Variants in SAMSN1 observed in about 807,000 individuals in gnomAD.
The protein encoded by SAMSN1 is SAM domain, SH3 domain and nuclear localization signals 1.
Under a neutral mutation model 42.0 loss-of-function variants are expected in SAMSN1, and 31 were observed. The ratio of observed to expected loss-of-function variants is 0.74; its 90% CI spans 0.55 to 1.00. SAMSN1 has a LOEUF of 1.00. Ranked by LOEUF, SAMSN1 falls within the 50% of genes least tolerant of loss-of-function variation. SAMSN1 has a pLI of 0.00. For missense variants in SAMSN1, 464 were observed against 439.4 expected, an observed-to-expected ratio of 1.06 and a Z score of -0.50; for synonymous variants, 178 against 151.9, an observed-to-expected ratio of 1.17 and a Z score of -1.26.
chr21:14,534,493 C>T (rs1388231896), intron 1 of SAMSN1, among the ~76,000 whole-genome samples: 1 of 150,324 alleles, frequency 6.7e-6, no homozygotes, highest in East Asian at 2.0e-4. Flanking sequence ...ACAAGCACAA[C>T]GAAAATAGAA....
upstream of SAMSN1, among the ~76,000 whole-genome samples, chr21:14,551,295 A>C (rs1303123888): frequency 6.6e-6 from 1 of 152,090 alleles, no homozygotes; most frequent in African/African-American, 2.4e-5. Flanking sequence ...GATCATTGGG[A>C]TAAATAGAAG....
At chr21:14,520,547 G>A (rs1042934819) in intron 2 of SAMSN1, among the ~76,000 whole-genome samples, 4 of 152,112 alleles carry the variant, frequency 2.6e-5, no homozygotes, top group Admixed American at 2.6e-4. Context: ...CTTAAAATAA[G>A]ATTTTACTTT....
intron 6 of SAMSN1, among the ~76,000 whole-genome samples, chr21:14,599,194 A>T (rs1469009318): frequency 6.6e-6 from 1 of 152,160 alleles, no homozygotes; most frequent in African/African-American, 2.4e-5. Context: ...CTCACAAAAA[A>T]TCTCATCTTG....
At chr21:14,501,619 A>C (rs1987156039) in intron 5 of SAMSN1, among the ~76,000 whole-genome samples, 1 of 152,234 alleles carries the variant, frequency 6.6e-6, no homozygotes, top group Admixed American at 6.5e-5. Flanking sequence ...AGTGCATCTG[A>C]AAAATTTATC....
chr21:14,531,276 A>G (rs1333909931), intron 1 of SAMSN1, among the ~76,000 whole-genome samples: 1 of 152,072 alleles, frequency 6.6e-6, no homozygotes, highest in Non-Finnish European at 1.5e-5. Context: ...TGATTTTTCT[A>G]TTTGTTGTAC....
At chr21:14,510,492 G>A (rs754184102) in intron 4 of SAMSN1, 31 bp from the exon 5 acceptor site, 5 of 1,612,576 alleles carry the variant, frequency 3.1e-6, no homozygotes, top group Admixed American at 1.7e-5. Context: ...CAGTTGTCAT[G>A]GAAGACTTAT....
chr21:14,505,463 A>G (rs1345459850), intron 5 of SAMSN1, among the ~76,000 whole-genome samples: 1 of 152,250 alleles, frequency 6.6e-6, no homozygotes, highest in Non-Finnish European at 1.5e-5. Context: ...ATATCAGACA[A>G]AACAAACTTT....
intron 2 of SAMSN1, among the ~76,000 whole-genome samples, chr21:14,567,661 A>G (rs893251678): frequency 6.6e-6 from 1 of 152,260 alleles, no homozygotes; most frequent in East Asian, 1.9e-4. Context: ...CACCCAGTCC[A>G]TTCCTGGCGT....
intron 5 of SAMSN1, among the ~76,000 whole-genome samples, chr21:14,605,397 G>A (rs1475689118): frequency 1.3e-5 from 2 of 152,142 alleles, no homozygotes; most frequent in Non-Finnish European, 2.9e-5. Flanking sequence ...GTATGAAGTA[G>A]GACTTCCCTC....
At chr21:14,492,803 G>A (rs1246423624) in intron 7 of SAMSN1, among the ~76,000 whole-genome samples, 2 of 152,312 alleles carry the variant, frequency 1.3e-5, no homozygotes, top group South Asian at 2.1e-4. Flanking sequence ...TAAATTGCAT[G>A]AGGGCAAACA....
At chr21:14,625,095 T>G (rs1051788706) in intron 2 of SAMSN1, among the ~76,000 whole-genome samples, 13 of 152,094 alleles carry the variant, frequency 8.5e-5, no homozygotes, top group South Asian at 8.3e-4. Context: ...TGCTAAAAAC[T>G]CTCAATAAAT....
At chr21:14,584,103 T>C (rs913193325), upstream of SAMSN1, among the ~76,000 whole-genome samples, 9 of 152,030 alleles carry the variant, frequency 5.9e-5, no homozygotes, top group African/African-American at 2.2e-4. Flanking sequence ...AAACAAGATC[T>C]TTGCAGTGTA....
intron 1 of SAMSN1, among the ~76,000 whole-genome samples, chr21:14,651,296 A>C (rs1983832555): frequency 6.6e-6 from 1 of 152,040 alleles, no homozygotes; most frequent in African/African-American, 2.4e-5. Flanking sequence ...AAATACTACC[A>C]AACTAAATTC....
chr21:14,570,981 C>A (rs1981279647), intron 2 of SAMSN1, among the ~76,000 whole-genome samples: 1 of 152,118 alleles, frequency 6.6e-6, no homozygotes, highest in African/African-American at 2.4e-5. Context: ...GTTTTCTCTC[C>A]CAGCTATTAT....
intron 1 of SAMSN1, among the ~76,000 whole-genome samples, chr21:14,538,312 A>G (rs1979768729): frequency 6.6e-6 from 1 of 152,176 alleles, no homozygotes; most frequent in Non-Finnish European, 1.5e-5. Context: ...CCCCAGATGA[A>G]GAAGTAATAG....
At chr21:14,648,509 C>T (rs1983764372) in intron 1 of SAMSN1, among the ~76,000 whole-genome samples, 1 of 152,164 alleles carries the variant, frequency 6.6e-6, no homozygotes, top group South Asian at 2.1e-4. Context: ...AAAATTTTCA[C>T]AACCTACTCA....
chr21:14,628,672 A>G lies in SAMSN1; in HGVS notation c.157-12656T>C, dbSNP rs557436973. ...GACAGAAAAGTCTCCCAAGTTATGA[A>G]TGAGATCACTTTGGCAAAGGGGAAT... On this transcript the variant is annotated intron_variant, in intron 2 of 15. Coordinates refer to the SAMSN1 transcript ENST00000647101. 2.0e-5 allele frequency among the ~76,000 whole-genome samples: 3 copies of G among 152,322 alleles called. No homozygotes were observed. The South Asian group carries it at 6.2e-4, about 32-fold the overall frequency.
chr21:14,656,821 A>G (rs1013890945), intron 1 of SAMSN1, among the ~76,000 whole-genome samples: 1 of 151,878 alleles, frequency 6.6e-6, no homozygotes, highest in African/African-American at 2.4e-5. Context: ...TAACTCTTTC[A>G]TTCTTTCTTT....
intron 5 of SAMSN1, among the ~76,000 whole-genome samples, chr21:14,604,611 T>C (rs1210437751): frequency 6.6e-6 from 1 of 152,240 alleles, no homozygotes; most frequent in African/African-American, 2.4e-5. Context: ...CCTTGGGTTC[T>C]TGGGATGTTC....
Sources: allele counts gnomAD v4.1 joint callset (sites outside exome capture counted in the v4.1 genomes callset), GRCh38; gene constraint gnomAD v4.1.1; transcripts MANE v1.5; gene names NCBI Gene and HGNC (gene_info 2026-07-23, HGNC 2026-07-21).